Variants in KRIT1 observed in about 807,000 individuals in gnomAD.
KRIT1 encodes krev interaction trapped protein 1.
A neutral mutation model predicts 95.8 loss-of-function variants in KRIT1; 45 were observed. That is an observed-to-expected ratio of 0.47 (90% CI 0.37 to 0.60). The LOEUF is 0.60. Ranked by LOEUF, KRIT1 falls within the 20% of genes least tolerant of loss-of-function variation. The pLI, the probability that KRIT1 is intolerant of heterozygous loss-of-function variation, is 0.00. For synonymous variants in KRIT1, 282 were observed against 278.8 expected (o/e 1.01, Z -0.11); for missense variants, 788 against 877.5 (o/e 0.90, Z 1.29).
chr7:92,207,478 G>A (rs1442375043), intron 17 of KRIT1, among the ~76,000 whole-genome samples: 1 of 152,036 alleles, frequency 6.6e-6, no homozygotes, highest in African/African-American at 2.4e-5. Flanking sequence ...ATAATAGTTG[G>A]GGAATTCAAC....
rs774238688 is a variant in KRIT1, at chr7:92,225,732, T to G, written c.1242A>C (p.Ala414=). ...WEEAAKLLKE[A]INKPYEKVRI... ...AGATAATTCTTACTGGTTTGTTAAT[T>G]GCTTCCTTCAACAATTTTGCAGCTT... is the stretch of plus-strand genomic sequence containing the variant. Residue 414 remains alanine (A), a synonymous_variant, in exon 12 of 19, where the codon GCA becomes GCC. Coordinates refer to ENST00000394505, the MANE Select transcript of KRIT1 (RefSeq NM_194454.3). 2.6e-5 allele frequency: 40 copies of G among 1,558,344 alleles called. No homozygotes were observed. In the African/African-American group the frequency reaches 4.6e-4, roughly 18 times the overall value.
At chr7:92,237,995 A>T (rs909579750) in intron 5 of KRIT1, among the ~76,000 whole-genome samples, 1 of 152,174 alleles carries the variant, frequency 6.6e-6, no homozygotes, top group Non-Finnish European at 1.5e-5. Context: ...CTTCCTAAGC[A>T]TAGCTAGGAA....
intron 17 of KRIT1, among the ~76,000 whole-genome samples, chr7:92,203,492 T>C (rs1468202214): frequency 6.6e-6 from 1 of 152,216 alleles, no homozygotes; most frequent in Non-Finnish European, 1.5e-5. Flanking sequence ...TATTTATAGT[T>C]CAAGAAACTG....
intron 17 of KRIT1, among the ~76,000 whole-genome samples, chr7:92,202,848 T>A (rs1443045639): frequency 6.6e-6 from 1 of 152,220 alleles, no homozygotes; most frequent in Non-Finnish European, 1.5e-5. Flanking sequence ...TACATTTATA[T>A]TGTAAAATAT....
intron 14 of KRIT1, among the ~76,000 whole-genome samples, chr7:92,217,610 A>G (rs1235850224): frequency 6.6e-6 from 1 of 152,176 alleles, no homozygotes; most frequent in Non-Finnish European, 1.5e-5. Flanking sequence ...ATTCCTTTGT[A>G]TCAGTGAATA....
chr7:92,237,944 T>C, intron 5 of KRIT1, among the ~76,000 whole-genome samples, 185 bp from the exon 6 acceptor site: 1 of 152,138 alleles, frequency 6.6e-6, no homozygotes, highest in East Asian at 1.9e-4. Flanking sequence ...TGGACAATCC[T>C]TGTAGATTTA....
chr7:92,208,106 C>T (rs1791964325), intron 17 of KRIT1, among the ~76,000 whole-genome samples: 1 of 151,932 alleles, frequency 6.6e-6, no homozygotes, highest in Admixed American at 6.6e-5. Context: ...TCCTGAATGA[C>T]CACTGGGTCA....
chr7:92,220,363 T>C (rs1392782807), intron 14 of KRIT1, among the ~76,000 whole-genome samples: 2 of 152,212 alleles, frequency 1.3e-5, no homozygotes, highest in Non-Finnish European at 2.9e-5. Flanking sequence ...CCTTAGTTTT[T>C]GGTAAATTTC....
At position 92,242,036 on chromosome 7, in the gene KRIT1, CAT is replaced by C; in HGVS notation, c.98_99del (p.Tyr33Ter). The C allele has an allele frequency of 6.9e-7, 1 of 1,440,136 alleles. No individual in the cohort carries two copies. The highest frequency in any genetic ancestry group is 9.8e-7 in the Non-Finnish European group (1 of 1,022,348). The allele number at this position is 1,440,136 out of a possible 1,614,324, so 89.2% of individuals were successfully genotyped here. A position where few individuals can be genotyped will look rare whatever the true frequency, so the allele number is the denominator to read the frequency against. On this transcript the variant is annotated frameshift_variant, in exon 4 of 19. Transcript: ENST00000394505. LOFTEE classifies it high-confidence loss of function. The stretch of plus-strand genomic sequence containing the variant: ...AAATTATTATTAAATGTTCTTACTT[CAT>C]ATGACTTAGCTCTGTATTCCCGAGA... ...LNSREYRAKS[Y>X]EILLHEVPIE...
intron 11 of KRIT1, among the ~76,000 whole-genome samples, chr7:92,226,295 G>A (rs1197137141): frequency 1.3e-5 from 2 of 151,928 alleles, no homozygotes; most frequent in African/African-American, 2.4e-5. Flanking sequence ...AATTTTAGGC[G>A]AGGTGTATTT....
At chr7:92,208,016 T>C (rs185877682) in intron 17 of KRIT1, among the ~76,000 whole-genome samples, 68 of 152,142 alleles carry the variant, frequency 4.5e-4, no homozygotes, top group African/African-American at 1.6e-3. Context: ...TCTTCTCAGA[T>C]CACAATGAAA....
At chr7:92,209,696 C>A (rs1584767973) in intron 17 of KRIT1, among the ~76,000 whole-genome samples, 1 of 151,964 alleles carries the variant, frequency 6.6e-6, no homozygotes, top group East Asian at 1.9e-4. Context: ...AACACTGATG[C>A]AAGAAATTCA....
At chr7:92,206,898 A>G (rs1791614545) in intron 17 of KRIT1, 1 of 151,612 alleles carries the variant, frequency 6.6e-6, no homozygotes, top group Admixed American at 6.6e-5. Flanking sequence ...CAAGCAGAAT[A>G]AAGAATTTGT....
intron 10 of KRIT1, among the ~76,000 whole-genome samples, chr7:92,231,153 T>C (rs1253052997): frequency 6.6e-6 from 1 of 152,148 alleles, no homozygotes. Context: ...TGAGAGAATA[T>C]GAAATGTCAG....
At position 92,200,775 on chromosome 7, in the gene KRIT1, C is replaced by G. The variant is rs1481017329; in HGVS notation, c.2172G>C (p.Lys724Asn). The part of the protein sequence containing the change: ...QAGLVVKLLM[K>N]LNGQLMPTER... ...CAGTGGGCATTAACTGTCCATTTAG[C>G]TTCATTAACAGTTTTACCACGAGAC... Residue 724 changes from lysine to asparagine, a missense_variant, in exon 19 of 19, where the codon AAG becomes AAC. By Grantham distance (94) the Lys-to-Asn change is moderately conservative. This residue lies in a region of KRIT1 where 493 missense variants were observed against 582.3 expected (regional missense o/e 0.85). Transcript: ENST00000394505. The G allele has an allele frequency of 4.3e-6, 7 of 1,609,402 alleles. No homozygotes were observed. The highest frequency in any genetic ancestry group is 6.0e-6 in the Non-Finnish European group (7 of 1,175,794).
intron 14 of KRIT1, 139 bp downstream of exon 14, chr7:92,221,763 A>G (rs766711847): frequency 4.0e-5 from 29 of 719,856 alleles, no homozygotes; most frequent in Admixed American, 2.7e-4. Flanking sequence ...AAGTAGATCA[A>G]CTGAAACTCC....
intron 14 of KRIT1, among the ~76,000 whole-genome samples, chr7:92,215,252 A>C (rs1793713315): frequency 1.3e-5 from 2 of 152,164 alleles, no homozygotes; most frequent in African/African-American, 4.8e-5. Flanking sequence ...AATATGGATA[A>C]TTTTTAGCAA....
chr7:92,218,031 G>T (rs1327507814), intron 14 of KRIT1, among the ~76,000 whole-genome samples: 1 of 152,036 alleles, frequency 6.6e-6, no homozygotes, highest in African/African-American at 2.4e-5. Context: ...TGTGTTTGCT[G>T]GCTATTTATA....
At chr7:92,201,144 T>G (rs1375862120) in intron 18 of KRIT1, among the ~76,000 whole-genome samples, 163 bp downstream of exon 18, 3 of 152,252 alleles carry the variant, frequency 2.0e-5, no homozygotes, top group Non-Finnish European at 4.4e-5. Context: ...GTTTCTGATT[T>G]TTCCTTGCTT....
Sources: allele counts gnomAD v4.1 joint callset (sites outside exome capture counted in the v4.1 genomes callset), GRCh38; gene constraint gnomAD v4.1.1; regional missense constraint gnomAD v4.1.1; transcripts MANE v1.5; gene names NCBI Gene and HGNC (gene_info 2026-07-23, HGNC 2026-07-21).